The following ATXN7 variants were observed in gnomAD, a reference collection of about 807,000 sequenced individuals.
ATXN7 encodes the protein ataxin 7.
A neutral mutation model predicts 70.5 loss-of-function variants in ATXN7; 12 were observed. The ratio of observed to expected loss-of-function variants is 0.17; its 90% CI spans 0.11 to 0.28. The LOEUF (loss-of-function observed/expected upper bound fraction) is 0.28. Ranked by LOEUF, ATXN7 falls within the 10% of genes least tolerant of loss-of-function variation. ATXN7 has a pLI of 1.00. For missense variants in ATXN7, 1,256 were observed against 1,131.7 expected, an observed-to-expected ratio of 1.11 and a Z score of -1.58; for synonymous variants, 498 against 448.7, an observed-to-expected ratio of 1.11 and a Z score of -1.39.
rs1559643976 is a variant in ATXN7 at position 63,952,410 on chromosome 3, T to C, written c.426T>C (p.His142=). The C allele has an allele frequency of 1.9e-6, 3 of 1,612,040 alleles. No homozygotes were observed. Among genetic ancestry groups the C allele is most frequent in the South Asian group, 2.2e-5 (2 of 90,758 alleles). Residue 142 remains histidine (H), a synonymous_variant, in exon 5 of 13, where the codon CAT becomes CAC. Transcript: ENST00000674280. ...DMPIFGFCPA[H]DDFYLVVCND... is the part of the protein sequence containing the mutation. The stretch of plus-strand genomic sequence containing the variant: ...CAATATTTGGTTTCTGTCCAGCCCA[T>C]GATGATTTCTACTTGGTGGTGTGTA...
At chr3:63,943,858 T>A (rs1489467854) in intron 4 of ATXN7, among the ~76,000 whole-genome samples, 1 of 152,224 alleles carries the variant, frequency 6.6e-6, no homozygotes, top group African/African-American at 2.4e-5. Context: ...TTTCATTGTA[T>A]AGTCTCTTCC....
At chr3:63,959,359 G>A (rs543716229) in intron 5 of ATXN7, among the ~76,000 whole-genome samples, 5 of 152,308 alleles carry the variant, frequency 3.3e-5, no homozygotes, top group African/African-American at 9.6e-5. Context: ...GGATGAGCCA[G>A]GGATGGGAGC....
At chr3:63,909,096 A>C (rs1041076150) in intron 2 of ATXN7, among the ~76,000 whole-genome samples, 4 of 152,218 alleles carry the variant, frequency 2.6e-5, no homozygotes, top group Admixed American at 1.3e-4. Context: ...GGCAATCAGG[A>C]ATTGTTGGAT....
At chr3:63,951,125 C>G (rs942459803) in intron 4 of ATXN7, among the ~76,000 whole-genome samples, 1 of 152,036 alleles carries the variant, frequency 6.6e-6, no homozygotes, top group Non-Finnish European at 1.5e-5. Context: ...AGAAACTACT[C>G]GGTGCTGCAA....
chr3:63,867,503 C>T (rs992639504), intron 1 of ATXN7, among the ~76,000 whole-genome samples: 1 of 152,108 alleles, frequency 6.6e-6, no homozygotes, highest in South Asian at 2.1e-4. Flanking sequence ...CACAGAATGA[C>T]CATTCTAAAG....
At chr3:63,930,139 G>T (rs185984373) in intron 4 of ATXN7, among the ~76,000 whole-genome samples, 1 of 152,066 alleles carries the variant, frequency 6.6e-6, no homozygotes, top group African/African-American at 2.4e-5. Flanking sequence ...AAATAGTGCC[G>T]AGGACTTTGA....
chr3:63,921,546 C>G (rs1180966207), intron 4 of ATXN7, among the ~76,000 whole-genome samples: 1 of 152,148 alleles, frequency 6.6e-6, no homozygotes, highest in Non-Finnish European at 1.5e-5. Context: ...TGTTTGAGTA[C>G]CATAGCTTTA....
chr3:63,916,205 T>C (rs1704260687), intron 4 of ATXN7, among the ~76,000 whole-genome samples: 1 of 152,220 alleles, frequency 6.6e-6, no homozygotes, highest in Admixed American at 6.5e-5. Context: ...TTAGATAATA[T>C]GTGAATGACT....
At chr3:63,936,187 A>G (rs568587446) in intron 4 of ATXN7, among the ~76,000 whole-genome samples, 21 of 152,294 alleles carry the variant, frequency 1.4e-4, no homozygotes, top group Non-Finnish European at 2.5e-4. Flanking sequence ...TTCAGTCTCA[A>G]TTCCTGCAAG....
At chr3:63,874,648 C>T (rs1176467525) in intron 1 of ATXN7, among the ~76,000 whole-genome samples, 1 of 152,196 alleles carries the variant, frequency 6.6e-6, no homozygotes, top group Non-Finnish European at 1.5e-5. Context: ...GTTCTGATTG[C>T]CCATGCCTTA....
chr3:63,900,221 G>A (rs915400838), intron 2 of ATXN7, among the ~76,000 whole-genome samples: 15 of 152,350 alleles, frequency 9.8e-5, no homozygotes, highest in African/African-American at 3.1e-4. Flanking sequence ...GACGAAAGGA[G>A]TTTCAGCCTC....
chr3:63,915,899 T>G (rs1380438996), intron 4 of ATXN7, among the ~76,000 whole-genome samples: 1 of 152,054 alleles, frequency 6.6e-6, no homozygotes, highest in Non-Finnish European at 1.5e-5. Context: ...TTAGTCAGTC[T>G]GGTCTGAAGC....
intron 5 of ATXN7, among the ~76,000 whole-genome samples, chr3:63,958,912 T>TG (rs2075078704): frequency 6.6e-6 from 1 of 152,170 alleles, no homozygotes; most frequent in Non-Finnish European, 1.5e-5. Flanking sequence ...ATGATAAGGA[T>TG]GTATAGAGTA....
chr3:63,949,521 C>T (rs1168342362), intron 4 of ATXN7, among the ~76,000 whole-genome samples: 1 of 152,144 alleles, frequency 6.6e-6, no homozygotes, highest in African/African-American at 2.4e-5. Flanking sequence ...GCCTCAGCCT[C>T]CTGAGTAGCT....
At chr3:63,917,817 T>C (rs1291488895) in intron 4 of ATXN7, among the ~76,000 whole-genome samples, 1 of 152,226 alleles carries the variant, frequency 6.6e-6, no homozygotes, top group Non-Finnish European at 1.5e-5. Flanking sequence ...TGAGTCACTC[T>C]AGTGTGTGAT....
chr3:63,966,714 G>A (rs2106708701), intron 5 of ATXN7, among the ~76,000 whole-genome samples: 1 of 152,282 alleles, frequency 6.6e-6, no homozygotes, highest in South Asian at 2.1e-4. Flanking sequence ...TCTAATAGAA[G>A]CCGTTTTCAT....
rs922252712 is a variant in ATXN7 at position 63,980,324 on chromosome 3, T to A, written c.752+157T>A. On this transcript the variant is annotated intron_variant, in intron 6 of 12. Coordinates refer to ENST00000674280, the MANE Select transcript of ATXN7 (RefSeq NM_001377405.1). Reference sequence around the variant, plus strand: ...ATTGTTTCTTGATGTTTCCCTGTCATGTCATAGGAAACTTTTCAGAGTAGT... The same window carrying A: ...ATTGTTTCTTGATGTTTCCCTGTCAAGTCATAGGAAACTTTTCAGAGTAGT... 8.4e-6 allele frequency: 9 copies of A among 1,068,836 alleles called. No homozygotes were observed. In the South Asian group the frequency reaches 1.3e-4, roughly 16 times the overall value. 66.2% of individuals were successfully genotyped at this position (1,068,836 alleles called of 1,614,324 possible).
intron 2 of ATXN7, among the ~76,000 whole-genome samples, chr3:63,903,260 G>A (rs1004506218): frequency 2.0e-5 from 3 of 151,648 alleles, no homozygotes; most frequent in Admixed American, 6.6e-5. Context: ...CCGAGCTTGG[G>A]CCTGTAGTCC....
At chr3:63,932,010 A>T (rs553664558) in intron 4 of ATXN7, among the ~76,000 whole-genome samples, 3 of 152,190 alleles carry the variant, frequency 2.0e-5, no homozygotes, top group Non-Finnish European at 4.4e-5. Flanking sequence ...ACCTGAGTAC[A>T]GTTTTGTAGG....
Sources: allele counts gnomAD v4.1 joint callset (sites outside exome capture counted in the v4.1 genomes callset), GRCh38; gene constraint gnomAD v4.1.1; transcripts MANE v1.5; gene names NCBI Gene and HGNC (gene_info 2026-07-23, HGNC 2026-07-21).